FRMD5: variants seen among roughly 807,000 people sequenced by gnomAD.
FRMD5 encodes FERM domain-containing protein 5.
FRMD5 carries 20 observed loss-of-function variants against 69.0 expected under a neutral mutation model. The observed-to-expected ratio is 0.29, with a 90% CI of 0.20 to 0.42. FRMD5 has a LOEUF of 0.42. Among genes scored for constraint, FRMD5 ranks in the 10% least tolerant of loss-of-function variants. FRMD5 has a pLI of 1.00. For missense variants in FRMD5, 595 were observed against 708.6 expected (o/e 0.84, Z 1.82); for synonymous variants, 271 against 260.1 (o/e 1.04, Z -0.40).
At position 43,872,172 on chromosome 15, in the gene FRMD5, T is replaced by C. The variant is rs536002151; in HGVS notation, c.*1713A>G. The C allele has an allele frequency of 2.6e-5, 4 of 152,328 alleles. No homozygotes were observed. The highest frequency in any genetic ancestry group is 9.6e-5 in the African/African-American group (4 of 41,576). 9.4% of individuals were successfully genotyped at this position (152,328 alleles called of 1,614,324 possible). A position where few individuals can be genotyped will look rare whatever the true frequency, so the allele number is the denominator to read the frequency against. On this transcript the variant is annotated 3_prime_UTR_variant, in exon 14 of 14. Coordinates refer to ENST00000417257, the MANE Select transcript of FRMD5 (RefSeq NM_032892.5). ...CTGTGTAGCACTTGACATAAGTTGA[T>C]TGACCTCTGGTCCAGATGAAAGGAT...
intron 1 of FRMD5, among the ~76,000 whole-genome samples, chr15:43,976,093 A>G (rs1039206682): frequency 3.3e-5 from 5 of 150,080 alleles, no homozygotes; most frequent in Non-Finnish European, 5.9e-5. Flanking sequence ...GGAGACTTCA[A>G]TTCATACCTT....
chr15:43,876,880 G>A (rs1337102248), intron 13 of FRMD5, among the ~76,000 whole-genome samples: 1 of 152,164 alleles, frequency 6.6e-6, no homozygotes, highest in Non-Finnish European at 1.5e-5. Flanking sequence ...TGTTGCGGGG[G>A]TGGATTTCTC....
chr15:43,974,286 G>A (rs2090431553), intron 1 of FRMD5, among the ~76,000 whole-genome samples: 1 of 152,188 alleles, frequency 6.6e-6, no homozygotes, highest in South Asian at 2.1e-4. Context: ...AGCAATCTAG[G>A]AGGTGAACAG....
chr15:44,180,295 CAAT>C (rs1231893003), intron 1 of FRMD5, among the ~76,000 whole-genome samples: 1 of 151,846 alleles, frequency 6.6e-6, no homozygotes, highest in Non-Finnish European at 1.5e-5. Flanking sequence ...ACAAAGAACT[CAAT>C]AATTTTTTAA....
chr15:44,016,839 ATTT>A (rs35670937), intron 1 of FRMD5, among the ~76,000 whole-genome samples: 1 of 147,438 alleles, frequency 6.8e-6, no homozygotes. Context: ...AGTTCACATA[ATTT>A]TTTTTTTTTT....
At chr15:43,983,638 G>A (rs1000200510) in intron 1 of FRMD5, among the ~76,000 whole-genome samples, 2 of 152,208 alleles carry the variant, frequency 1.3e-5, no homozygotes, top group East Asian at 1.9e-4. Context: ...TGGGAATCAG[G>A]AAACCTGAGC....
chr15:43,999,689 C>G (rs112054490), intron 1 of FRMD5, among the ~76,000 whole-genome samples: 197 of 151,970 alleles, frequency 1.3e-3, no homozygotes, highest in Non-Finnish European at 1.8e-3. Flanking sequence ...CAGTATTTGT[C>G]TCTGACTTAT....
intron 1 of FRMD5, among the ~76,000 whole-genome samples, chr15:44,061,764 A>G (rs1192826224): frequency 2.6e-5 from 4 of 152,156 alleles, no homozygotes. Context: ...AGCCTTTGTC[A>G]TGGTCTTTTC....
intron 1 of FRMD5, among the ~76,000 whole-genome samples, chr15:44,019,774 A>G (rs537119825): frequency 9.3e-5 from 14 of 150,712 alleles, no homozygotes; most frequent in South Asian, 2.1e-4. Flanking sequence ...AAAAGAAAAG[A>G]AAAGAAAAAA....
intron 1 of FRMD5, among the ~76,000 whole-genome samples, chr15:44,077,346 T>G (rs1268201635): frequency 2.0e-5 from 3 of 152,110 alleles, no homozygotes; most frequent in African/African-American, 7.2e-5. Context: ...TTTGTTTGTT[T>G]CTGAGAAAAA....
At chr15:43,992,087 T>G (rs538756344) in intron 1 of FRMD5, among the ~76,000 whole-genome samples, 1 of 152,238 alleles carries the variant, frequency 6.6e-6, no homozygotes, top group East Asian at 1.9e-4. Flanking sequence ...AATTCTGGCT[T>G]TGAAAATAAT....
intron 1 of FRMD5, among the ~76,000 whole-genome samples, chr15:44,067,503 G>A (rs899113141): frequency 6.6e-6 from 1 of 152,178 alleles, no homozygotes; most frequent in Non-Finnish European, 1.5e-5. Context: ...AGTTCTGGAA[G>A]CTAGAAGTCC....
chr15:43,967,230 CATAT>C (rs34586661), intron 1 of FRMD5, among the ~76,000 whole-genome samples: 3 of 147,140 alleles, frequency 2.0e-5, no homozygotes, highest in African/African-American at 7.5e-5. Context: ...AATATATAAA[CATAT>C]ATATATATAT....
intron 1 of FRMD5, among the ~76,000 whole-genome samples, chr15:44,131,944 T>G (rs1437648449): frequency 1.3e-5 from 2 of 152,204 alleles, no homozygotes; most frequent in African/African-American, 2.4e-5. Context: ...TTATTTCTAT[T>G]ATTATTACAT....
At chr15:44,061,435 C>A (rs550490344) in intron 1 of FRMD5, among the ~76,000 whole-genome samples, 1 of 152,290 alleles carries the variant, frequency 6.6e-6, no homozygotes, top group East Asian at 1.9e-4. Flanking sequence ...CCAAGCTTCA[C>A]CAAGATTACT....
chr15:44,169,440 C>T (rs1480647439), intron 1 of FRMD5, among the ~76,000 whole-genome samples: 1 of 151,946 alleles, frequency 6.6e-6, no homozygotes, highest in Non-Finnish European at 1.5e-5. Flanking sequence ...CCTAAGATCA[C>T]CAGGTGGAAA....
intron 1 of FRMD5, among the ~76,000 whole-genome samples, chr15:44,072,103 T>G (rs571692211): frequency 1.3e-5 from 2 of 152,332 alleles, no homozygotes; most frequent in African/African-American, 4.8e-5. Context: ...TGACCTCAGG[T>G]GATCCACCCA....
intron 1 of FRMD5, among the ~76,000 whole-genome samples, chr15:44,056,503 G>C (rs1219847181): frequency 6.6e-6 from 1 of 152,154 alleles, no homozygotes; most frequent in Non-Finnish European, 1.5e-5. Context: ...ATTCTGAAAA[G>C]CCTTTCCAGG....
chr15:44,083,173 T>C (rs368228897), intron 1 of FRMD5, among the ~76,000 whole-genome samples: 6 of 152,142 alleles, frequency 3.9e-5, no homozygotes, highest in African/African-American at 1.2e-4. Flanking sequence ...ATGTGATTTT[T>C]AGAAAGTGAA....
Sources: gnomAD v4.1 joint callset for allele counts (sites outside exome capture counted in the v4.1 genomes callset) on GRCh38, gnomAD v4.1.1 for gene constraint, MANE v1.5 for transcripts, NCBI Gene and HGNC (gene_info 2026-07-23, HGNC 2026-07-21) for gene names.